The following COPG2 variants were observed in gnomAD, a reference collection of about 807,000 sequenced individuals.
COPG2 encodes the protein coatomer subunit gamma-2.
In COPG2, 37 loss-of-function variants were observed where a neutral mutation model predicts 46.3. That is an observed-to-expected ratio of 0.80 (90% CI 0.61 to 1.05). COPG2 has a LOEUF of 1.05. Ranked by LOEUF, COPG2 falls within the 50% of genes least tolerant of loss-of-function variation. The pLI, the probability that COPG2 is intolerant of heterozygous loss-of-function variation, is 0.00. For missense variants in COPG2, 427 were observed against 387.8 expected, an observed-to-expected ratio of 1.10 and a Z score of -0.85; for synonymous variants, 159 against 129.7, an observed-to-expected ratio of 1.23 and a Z score of -1.53.
At chr7:130,595,070 A>G (rs1794502003) in intron 9 of COPG2, among the ~76,000 whole-genome samples, 1 of 152,248 alleles carries the variant, frequency 6.6e-6, no homozygotes, top group Admixed American at 6.5e-5. Context: ...ATGACCATTT[A>G]TAGCAGCATT....
At chr7:130,558,279 TGTGATA>T (rs1399623633) in intron 12 of COPG2, among the ~76,000 whole-genome samples, 3 of 152,036 alleles carry the variant, frequency 2.0e-5, no homozygotes, top group Non-Finnish European at 4.4e-5. Context: ...GTGCTGTTCT[TGTGATA>T]GTAAGTTCTT....
chr7:130,627,635 AT>A (rs1392654691), intron 5 of COPG2, among the ~76,000 whole-genome samples: 4 of 152,062 alleles, frequency 2.6e-5, no homozygotes, highest in Non-Finnish European at 4.4e-5. Context: ...CCAGCCCCAG[AT>A]AGTCACTACC....
intron 20 of COPG2, among the ~76,000 whole-genome samples, chr7:130,540,120 G>C (rs899868786): frequency 1.3e-5 from 2 of 152,048 alleles, no homozygotes; most frequent in South Asian, 4.2e-4. Context: ...GGAGCAGTGG[G>C]GTGTGAGTGG....
chr7:130,624,016 A>T (rs1795078960), intron 5 of COPG2, among the ~76,000 whole-genome samples: 1 of 152,160 alleles, frequency 6.6e-6, no homozygotes, highest in South Asian at 2.1e-4. Flanking sequence ...GTCCCAGATC[A>T]AGATACTGGC....
At chr7:130,568,275 C>CA (rs1269516668) in intron 9 of COPG2, among the ~76,000 whole-genome samples, 2 of 151,362 alleles carry the variant, frequency 1.3e-5, no homozygotes, top group Non-Finnish European at 2.9e-5. Context: ...AACTCTGTCT[C>CA]AAAAAAAAGA....
At chr7:130,633,654 T>C (rs782756393) in intron 5 of COPG2, among the ~76,000 whole-genome samples, 5 of 152,232 alleles carry the variant, frequency 3.3e-5, no homozygotes, top group Non-Finnish European at 5.9e-5. Context: ...AAAAATTTTC[T>C]CCCATTCTGT....
intron 5 of COPG2, among the ~76,000 whole-genome samples, chr7:130,621,459 A>C (rs533082929): frequency 6.6e-6 from 1 of 152,362 alleles, no homozygotes; most frequent in Non-Finnish European, 1.5e-5. Flanking sequence ...CTGTAGCTGC[A>C]GCACAAAGGC....
At chr7:130,587,436 G>A (rs979401456) in intron 9 of COPG2, among the ~76,000 whole-genome samples, 22 of 152,024 alleles carry the variant, frequency 1.4e-4, no homozygotes, top group African/African-American at 5.1e-4. Flanking sequence ...TTCTGTTAAT[G>A]TTAAATGCAA....
At chr7:130,624,862 T>C (rs1563063130) in intron 5 of COPG2, among the ~76,000 whole-genome samples, 1 of 152,338 alleles carries the variant, frequency 6.6e-6, no homozygotes, top group East Asian at 1.9e-4. Context: ...TGAACTGTGC[T>C]GTTATAAACA....
intron 12 of COPG2, among the ~76,000 whole-genome samples, chr7:130,557,827 A>AAAAAC (rs1793653507): frequency 6.8e-6 from 1 of 147,314 alleles, no homozygotes; most frequent in Non-Finnish European, 1.5e-5. Context: ...CAAAAAAAAA[A>AAAAAC]AAAAAAAAAA....
intron 10 of COPG2, among the ~76,000 whole-genome samples, chr7:130,564,027 T>C (rs1241076087): frequency 1.3e-5 from 2 of 151,950 alleles, no homozygotes; most frequent in Non-Finnish European, 2.9e-5. Flanking sequence ...ACTATGTACA[T>C]ATAAATAAAA....
chr7:130,533,945 C>T (rs1308475584), intron 20 of COPG2, among the ~76,000 whole-genome samples: 6 of 101,940 alleles, frequency 5.9e-5, no homozygotes, highest in South Asian at 6.5e-4. Context: ...ACAGGAGGGG[C>T]GTAAGAGGAG....
At chr7:130,556,529 A>G (rs1290243689) in intron 12 of COPG2, among the ~76,000 whole-genome samples, 1 of 152,218 alleles carries the variant, frequency 6.6e-6, no homozygotes. Context: ...GAAAATCTCC[A>G]TAATGTTTGT....
rs1554451974 is a variant in COPG2, at chr7:130,610,962, G to A, written c.728C>T (p.Thr243Ile). The part of the protein sequence containing the change: ...IRIASRLLKE[T>I]EDGHESPLFD... ...AGGTGAAGACACTTACCCATCCTCA[G>A]TTTCTTTTAGTAAGCGACTGGCAAT... Residue 243 changes from threonine to isoleucine, a missense_variant, in exon 9 of 24, where the codon ACT becomes ATT. Thr to Ile is a moderately conservative substitution (Grantham distance 89, BLOSUM62 -1). Transcript: ENST00000425248. 1.2e-6 allele frequency: 2 copies of A among 1,613,924 alleles called. No individual in the cohort carries two copies. The highest frequency in any genetic ancestry group is 1.7e-6 in the Non-Finnish European group (2 of 1,179,852).
intron 9 of COPG2, among the ~76,000 whole-genome samples, chr7:130,576,745 G>A (rs1794005410): frequency 6.6e-6 from 1 of 151,776 alleles, no homozygotes; most frequent in Admixed American, 6.6e-5. Context: ...CAGAAGAAAG[G>A]AAATAACTAA....
At chr7:130,650,669 C>T (rs528507525) in intron 5 of COPG2, among the ~76,000 whole-genome samples, 1 of 152,242 alleles carries the variant, frequency 6.6e-6, no homozygotes, top group South Asian at 2.1e-4. Context: ...ACTCACTTTC[C>T]TGGCTTCCTA....
chr7:130,588,452 A>T (rs562134999), intron 9 of COPG2, among the ~76,000 whole-genome samples: 1 of 152,116 alleles, frequency 6.6e-6, no homozygotes, highest in Non-Finnish European at 1.5e-5. Context: ...TACACCATGG[A>T]ATACTATGCA....
At chr7:130,522,398 C>T (rs1799731271) in intron 20 of COPG2, among the ~76,000 whole-genome samples, 1 of 151,998 alleles carries the variant, frequency 6.6e-6, no homozygotes, top group African/African-American at 2.4e-5. Context: ...AATCTTGCCA[C>T]CTGTGTCACA....
intron 5 of COPG2, among the ~76,000 whole-genome samples, chr7:130,622,347 G>A (rs1795054879): frequency 6.6e-6 from 1 of 152,078 alleles, no homozygotes. Context: ...ATCTGAGTAG[G>A]CAAAAAACAC....
Sources: gnomAD v4.1 joint callset for allele counts (sites outside exome capture counted in the v4.1 genomes callset) on GRCh38, gnomAD v4.1.1 for gene constraint, MANE v1.5 for transcripts, NCBI Gene and HGNC (gene_info 2026-07-23, HGNC 2026-07-21) for gene names.